The following SCML2 variants were observed in gnomAD, a reference collection of about 807,000 sequenced individuals.
SCML2 encodes the protein sex comb on midleg-like protein 2.
SCML2 carries 6 observed loss-of-function variants against 48.4 expected under a neutral mutation model. That is an observed-to-expected ratio of 0.12 (90% confidence interval 0.07 to 0.24). The LOEUF is 0.24. Among genes scored for constraint, SCML2 ranks in the 10% least tolerant of loss-of-function variants. The pLI, the probability that SCML2 is intolerant of heterozygous loss-of-function variation, is 1.00. For missense variants in SCML2, 377 were observed against 528.2 expected, an observed-to-expected ratio of 0.71 and a Z score of 2.81; for synonymous variants, 181 against 189.5, an observed-to-expected ratio of 0.95 and a Z score of 0.37.
chrX:18,241,492 ATGC>A, intron 14 of SCML2, 113 bp from the exon 15 acceptor site: 1 of 451,363 alleles, frequency 2.2e-6, no homozygotes, highest in African/African-American at 2.5e-5. Flanking sequence ...TTCTCTGAAT[ATGC>A]TTTATTTCCT....
intron 7 of SCML2, among the ~76,000 whole-genome samples, chrX:18,278,577 G>A (rs995105494): frequency 6.2e-5 from 7 of 112,193 alleles, no homozygotes; most frequent in African/African-American, 2.3e-4. Context: ...CTCTGAGCCA[G>A]GAGAGAGCTG....
intron 9 of SCML2, among the ~76,000 whole-genome samples, chrX:18,259,943 T>A (rs1927000071): frequency 8.9e-6 from 1 of 112,002 alleles, no homozygotes; most frequent in Admixed American, 9.5e-5. Context: ...TAAAATACTT[T>A]AAGAGTATCT....
intron 7 of SCML2, among the ~76,000 whole-genome samples, chrX:18,270,811 G>A (rs151011306): frequency 0.018 from 1,998 of 111,047 alleles, 50 homozygotes; most frequent in African/African-American, 0.062. Context: ...ATGTTCATAT[G>A]TATATGAACA....
intron 11 of SCML2, among the ~76,000 whole-genome samples, chrX:18,256,136 C>T (rs762892521): frequency 9.0e-6 from 1 of 111,378 alleles, no homozygotes; most frequent in Non-Finnish European, 1.9e-5. Context: ...GAGAAGCAAC[C>T]ATGGTTCAAA....
At chrX:18,322,145 A>G (rs982038263) in intron 5 of SCML2, among the ~76,000 whole-genome samples, 1 of 112,575 alleles carries the variant, frequency 8.9e-6, no homozygotes, top group Non-Finnish European at 1.9e-5. Context: ...GGAAAACTAA[A>G]TAAGTTGTAT....
chrX:18,280,001 G>A (rs1421348053), intron 7 of SCML2, among the ~76,000 whole-genome samples: 1 of 111,459 alleles, frequency 9.0e-6, no homozygotes, highest in African/African-American at 3.3e-5. Context: ...CATGCAAACA[G>A]AAGAAATACA....
At chrX:18,336,844 A>C (rs1929837363) in intron 1 of SCML2, among the ~76,000 whole-genome samples, 1 of 112,016 alleles carries the variant, frequency 8.9e-6, no homozygotes, top group Non-Finnish European at 1.9e-5. Context: ...GCAACCGCTA[A>C]AAAAAAGTGG....
rs1389779896 is a variant in SCML2 at position 18,247,942 on chromosome X, A to G, written c.1457-60T>C. 1.0e-5 allele frequency: 8 copies of G among 777,074 alleles called. No homozygotes were observed. The South Asian group carries it at 1.2e-4, about 12-fold the overall frequency. 64.0% of individuals were successfully genotyped at this position (777,074 alleles called of 1,213,427 possible). On this transcript the variant is annotated intron_variant, in intron 11 of 14. Coordinates refer to ENST00000251900, the MANE Select transcript of SCML2 (RefSeq NM_006089.3). ...CGAACTAATATACTCAAGCATTTTC[A>G]TATCATCAGCATGAAACACTTCTGT... is the stretch of plus-strand genomic sequence containing the variant.
At chrX:18,338,421 G>A (rs1435767157) in intron 1 of SCML2, among the ~76,000 whole-genome samples, 3 of 103,235 alleles carry the variant, frequency 2.9e-5, no homozygotes, top group East Asian at 6.0e-4. Context: ...TCCAGCCTGG[G>A]CAACAAAGGG....
chrX:18,292,502 T>G (rs769005145), intron 7 of SCML2, among the ~76,000 whole-genome samples: 2 of 111,174 alleles, frequency 1.8e-5, no homozygotes, highest in East Asian at 5.6e-4. Context: ...TACATGGGAA[T>G]ACAGTCACAA....
intron 3 of SCML2, among the ~76,000 whole-genome samples, chrX:18,328,526 G>T (rs1041139460): frequency 9.0e-6 from 1 of 110,908 alleles, no homozygotes; most frequent in African/African-American, 3.3e-5. Context: ...GTTAAAAATT[G>T]CCAGGCATGG....
chrX:18,246,912 C>A lies in SCML2; in HGVS notation c.1571-84G>T, dbSNP rs1450005406. 4.2e-6 allele frequency: 4 copies of A among 953,220 alleles called. No individual in the cohort carries two copies. The East Asian group carries it at 9.2e-5, about 22-fold the overall frequency. The allele number at this position is 953,220 out of a possible 1,213,427, so 78.6% of individuals were successfully genotyped here. A position where few individuals can be genotyped will look rare whatever the true frequency, so the allele number is the denominator to read the frequency against. ...AAAAGGTTAAAAATCTCATCCCTAG[C>A]AATAGTTCACTTAACTTGTGCTATA... On this transcript the variant is annotated intron_variant, in intron 12 of 14. Coordinates refer to ENST00000251900, the MANE Select transcript of SCML2 (RefSeq NM_006089.3).
chrX:18,303,728 A>C (rs1928666791), intron 7 of SCML2, among the ~76,000 whole-genome samples: 1 of 112,137 alleles, frequency 8.9e-6, no homozygotes, highest in Admixed American at 9.5e-5. Flanking sequence ...AAATTTTACA[A>C]AATCAACCAT....
intron 1 of SCML2, among the ~76,000 whole-genome samples, chrX:18,353,704 T>G (rs2147579871): frequency 8.9e-6 from 1 of 112,657 alleles, no homozygotes; most frequent in African/African-American, 3.2e-5. Context: ...ATACTTGTGC[T>G]GCCCAAACAT....
chrX:18,247,973 C>T (rs1276612928), intron 11 of SCML2, 91 bp from the exon 12 acceptor site: 4 of 546,462 alleles, frequency 7.3e-6, no homozygotes, highest in Non-Finnish European at 1.2e-5. Flanking sequence ...TCTGTTTCTA[C>T]ATCATTTGCC....
chrX:18,330,222 T>C (rs777277125), intron 3 of SCML2, among the ~76,000 whole-genome samples: 1 of 111,895 alleles, frequency 8.9e-6, no homozygotes, highest in Non-Finnish European at 1.9e-5. Flanking sequence ...CTGAACTGTC[T>C]TCTGACCATG....
intron 1 of SCML2, among the ~76,000 whole-genome samples, chrX:18,346,262 A>C (rs958163527): frequency 5.5e-5 from 6 of 109,602 alleles, no homozygotes; most frequent in Admixed American, 2.0e-4. Context: ...TCTGAATTTT[A>C]TCTCTTTCTA....
intron 11 of SCML2, among the ~76,000 whole-genome samples, chrX:18,253,256 T>A (rs1926728396): frequency 9.0e-6 from 1 of 111,533 alleles, no homozygotes. Flanking sequence ...CCAACCCAGC[T>A]CAATCACTGA....
intron 8 of SCML2, among the ~76,000 whole-genome samples, chrX:18,260,669 C>A (rs1249322990): frequency 1.8e-5 from 2 of 109,586 alleles, no homozygotes; most frequent in Non-Finnish European, 3.8e-5. Context: ...CAGAGCAATA[C>A]CTCCAATAGA....
Sources: gnomAD v4.1 joint callset for allele counts (sites outside exome capture counted in the v4.1 genomes callset) on GRCh38, gnomAD v4.1.1 for gene constraint, MANE v1.5 for transcripts, NCBI Gene and HGNC (gene_info 2026-07-23, HGNC 2026-07-21) for gene names.